Variants in PREX1 observed in about 807,000 individuals in gnomAD.
The protein encoded by PREX1 is phosphatidylinositol-3,4,5-trisphosphate dependent Rac exchange factor 1, also known as phosphatidylinositol 3,4,5-trisphosphate-dependent Rac exchanger 1 protein.
A neutral mutation model predicts 198.3 loss-of-function variants in PREX1; 41 were observed. The observed-to-expected ratio is 0.21, with a 90% CI of 0.16 to 0.27. The LOEUF (loss-of-function observed/expected upper bound fraction) is 0.27. Ranked by LOEUF, PREX1 falls within the 10% of genes least tolerant of loss-of-function variation. PREX1 has a pLI of 1.00. For missense variants in PREX1, 1,620 were observed against 2,200.7 expected, an observed-to-expected ratio of 0.74 and a Z score of 5.28; for synonymous variants, 843 against 887.2, an observed-to-expected ratio of 0.95 and a Z score of 0.89.
At chr20:48,727,134 G>C (rs1322036166) in intron 4 of PREX1, among the ~76,000 whole-genome samples, 1 of 152,188 alleles carries the variant, frequency 6.6e-6, no homozygotes, top group African/African-American at 2.4e-5. Context: ...AATTCCAGTG[G>C]GGGTTCCCTC....
intron 10 of PREX1, among the ~76,000 whole-genome samples, chr20:48,683,390 C>G (rs1208009300): frequency 2.0e-5 from 3 of 152,242 alleles, no homozygotes; most frequent in Non-Finnish European, 4.4e-5. Context: ...TCACAGCTTG[C>G]TGGGCAAAGC....
chr20:48,662,926 A>G (rs1319757182), intron 15 of PREX1, among the ~76,000 whole-genome samples: 1 of 152,086 alleles, frequency 6.6e-6, no homozygotes. Flanking sequence ...GAGGACCCCT[A>G]ATTACCCTCA....
At position 48,711,909 on chromosome 20, in the gene PREX1, G is replaced by A. The variant is rs182238681; in HGVS notation, c.622-3488C>T. On this transcript the variant is annotated intron_variant, in intron 5 of 39. Coordinates refer to ENST00000371941, the MANE Select transcript of PREX1 (RefSeq NM_020820.4). ...TCCTTGGCTGGAATGTGGGCATGGTGCGAGCACCTGAAACCCTGGTGGTGA... is the reference window on the plus strand; with the variant it reads ...TCCTTGGCTGGAATGTGGGCATGGTACGAGCACCTGAAACCCTGGTGGTGA... 1.3e-4 allele frequency among the ~76,000 whole-genome samples: 20 copies of A among 152,308 alleles called. 1 individual carries two copies. Among genetic ancestry groups the A allele is most frequent in the Admixed American group, 1.3e-3 (20 of 15,310 alleles).
Position 48,625,561 on chromosome 20 carries a change from C to T in PREX1, c.*324G>A. ...GAGCCGGGTGGCCCCATGTGGCCTC[C>T]ATGACGTTCCCTTGGGTTCTGGGGA... On this transcript the variant is annotated 3_prime_UTR_variant, in exon 40 of 40. Transcript: ENST00000371941. 4 of 322,874 alleles carry T rather than the reference C, an allele frequency of 1.2e-5. No individual in the cohort carries two copies. The highest frequency in any genetic ancestry group is 2.3e-5 in the Non-Finnish European group (4 of 176,546). 20.0% of individuals were successfully genotyped at this position (322,874 alleles called of 1,614,324 possible).
the PREX1 span, among the ~76,000 whole-genome samples, chr20:48,873,780 CACA>C: frequency 2.3e-4 from 35 of 151,782 alleles, no homozygotes; most frequent in African/African-American, 1.2e-4. Context: ...AATATAAAAG[CACA>C]ACAACAGCGG....
intron 1 of PREX1, among the ~76,000 whole-genome samples, chr20:48,822,612 G>A (rs956904639): frequency 6.6e-6 from 1 of 151,982 alleles, no homozygotes; most frequent in Non-Finnish European, 1.5e-5. Flanking sequence ...TCTTCCTGTC[G>A]GCTTCTTAAA....
Position 48,726,423 on chromosome 20 carries a change from C to T in PREX1, c.520-32G>A, listed in dbSNP as rs1485467059. On this transcript the variant is annotated intron_variant, in intron 4 of 39. Coordinates refer to ENST00000371941, the MANE Select transcript of PREX1 (RefSeq NM_020820.4). ...AGGGACAGGAGACCTTCATGAAACC[C>T]ACCAAGGATAGCACAGGGACATAGC... 5 of 1,538,568 alleles carry T rather than the reference C, an allele frequency of 3.2e-6. No homozygotes were observed. The South Asian group carries it at 3.4e-5, about 11-fold the overall frequency.
chr20:48,651,234 C>A (rs546509048), intron 22 of PREX1, among the ~76,000 whole-genome samples, 162 bp downstream of exon 22: 2 of 152,366 alleles, frequency 1.3e-5, no homozygotes, highest in Non-Finnish European at 2.9e-5. Context: ...CACAGTCCCA[C>A]GCTACCTAGT....
chr20:48,692,460 A>G, intron 8 of PREX1: 1 of 463,500 alleles, frequency 2.2e-6, no homozygotes, highest in East Asian at 3.2e-5. Flanking sequence ...AGGCATTGCA[A>G]GGAGGAAGGA....
intron 1 of PREX1, among the ~76,000 whole-genome samples, chr20:48,765,072 A>G (rs1317477192): frequency 6.6e-6 from 1 of 152,244 alleles, no homozygotes; most frequent in Non-Finnish European, 1.5e-5. Flanking sequence ...TTAAAGGCAC[A>G]AGAAACTAAT....
At chr20:48,758,490 G>A (rs1027488423) in intron 1 of PREX1, among the ~76,000 whole-genome samples, 3 of 152,210 alleles carry the variant, frequency 2.0e-5, no homozygotes, top group Non-Finnish European at 4.4e-5. Flanking sequence ...GAAAGACAGG[G>A]CTTTGCAGCA....
chr20:48,791,187 G>A (rs575587455), intron 1 of PREX1, among the ~76,000 whole-genome samples: 3 of 152,132 alleles, frequency 2.0e-5, no homozygotes, highest in Admixed American at 6.5e-5. Context: ...CACTCCCTTC[G>A]GTAAACACAG....
At chr20:48,713,516 G>T (rs1242610573) in intron 5 of PREX1, among the ~76,000 whole-genome samples, 2 of 151,892 alleles carry the variant, frequency 1.3e-5, no homozygotes, top group African/African-American at 4.8e-5. Context: ...AGAATTGTAG[G>T]CGGTGGCCAG....
intron 1 of PREX1, among the ~76,000 whole-genome samples, chr20:48,809,676 C>T (rs1015954961): frequency 6.6e-6 from 1 of 152,122 alleles, no homozygotes; most frequent in African/African-American, 2.4e-5. Context: ...GAGAGGCCAC[C>T]AATAGGCTGC....
intron 4 of PREX1, among the ~76,000 whole-genome samples, chr20:48,731,533 AATC>A (rs575197259): frequency 1.7e-3 from 261 of 152,290 alleles, no homozygotes; most frequent in Non-Finnish European, 3.4e-3. Context: ...TAAATGAATA[AATC>A]ATCCCCATTT....
chr20:48,854,789 G>A, the PREX1 span, among the ~76,000 whole-genome samples: 1 of 152,196 alleles, frequency 6.6e-6, no homozygotes, highest in Non-Finnish European at 1.5e-5. Context: ...TCTGATTCTA[G>A]AGCCTCCGCT....
intron 20 of PREX1, among the ~76,000 whole-genome samples, chr20:48,653,142 A>G (rs1037771456): frequency 4.6e-5 from 7 of 152,184 alleles, no homozygotes; most frequent in Non-Finnish European, 1.0e-4. Flanking sequence ...CACAGCTGTG[A>G]AAACCGAGAC....
At chr20:48,679,779 C>A (rs779311114) in intron 11 of PREX1, 25 bp from the exon 12 acceptor site, 1 of 1,563,966 alleles carries the variant, frequency 6.4e-7, no homozygotes, top group South Asian at 1.1e-5. Context: ...GGACCTGTGA[C>A]GCTGGGCACG....
intron 4 of PREX1, among the ~76,000 whole-genome samples, chr20:48,728,026 TG>T (rs1259535068): frequency 6.6e-6 from 1 of 152,144 alleles, no homozygotes; most frequent in African/African-American, 2.4e-5. Flanking sequence ...AACTAACTAA[TG>T]AAGGAACCAC....
Sources: gnomAD v4.1 joint callset for allele counts (sites outside exome capture counted in the v4.1 genomes callset) on GRCh38, gnomAD v4.1.1 for gene constraint, MANE v1.5 for transcripts, NCBI Gene and HGNC (gene_info 2026-07-23, HGNC 2026-07-21) for gene names.